Variants in DNAH3 observed in about 807,000 individuals in gnomAD.
DNAH3 encodes axonemal beta dynein heavy chain 3.
DNAH3 carries 332 observed loss-of-function variants against 432.5 expected under a neutral mutation model. That is an observed-to-expected ratio of 0.77 (90% CI 0.70 to 0.84). DNAH3 has a LOEUF of 0.84. Ranked by LOEUF, DNAH3 falls within the 40% of genes least tolerant of loss-of-function variation. The probability of loss-of-function intolerance (pLI) is 0.00; values close to 1 mark genes in which losing one functional copy is unlikely to be tolerated. For missense variants in DNAH3, 4,861 were observed against 5,114.0 expected (o/e 0.95, Z 1.51); for synonymous variants, 1,956 against 1,900.2 (o/e 1.03, Z -0.76).
chr16:21,118,083 G>A (rs2092249974), intron 11 of DNAH3, among the ~76,000 whole-genome samples: 1 of 151,472 alleles, frequency 6.6e-6, no homozygotes, highest in African/African-American at 2.4e-5. Flanking sequence ...TGCCTCCTGG[G>A]CTCAAGCGAT....
At chr16:21,033,638 C>T (rs77052546) in intron 36 of DNAH3, among the ~76,000 whole-genome samples, 2,530 of 152,212 alleles carry the variant, frequency 0.017, 71 homozygotes, top group African/African-American at 0.058. Context: ...AGCAAAGAAG[C>T]AAAACCATGC....
chr16:21,135,451 G>C (rs138635136), intron 6 of DNAH3, among the ~76,000 whole-genome samples: 1 of 152,330 alleles, frequency 6.6e-6, no homozygotes, highest in African/African-American at 2.4e-5. Flanking sequence ...CCAGCACTTT[G>C]AGAGGCTGAG....
intron 17 of DNAH3, among the ~76,000 whole-genome samples, chr16:21,098,340 GA>G (rs1567786818): frequency 6.6e-6 from 1 of 151,214 alleles, no homozygotes; most frequent in Non-Finnish European, 1.5e-5. Flanking sequence ...TTGGAAGGCT[GA>G]GGCAGGAGAA....
At chr16:20,976,964 GAC>G (rs1300169295) in intron 50 of DNAH3, among the ~76,000 whole-genome samples, 1 of 152,230 alleles carries the variant, frequency 6.6e-6, no homozygotes, top group Non-Finnish European at 1.5e-5. Context: ...AGCTGACTAA[GAC>G]AAACAGTCTG....
In DNAH3 at chr16:21,144,869, G is replaced by A. The variant is rs549702683; in HGVS notation, c.448+312C>T. 8.5e-5 allele frequency among the ~76,000 whole-genome samples: 13 copies of A among 152,166 alleles called. No individual in the cohort carries two copies. The South Asian group carries it at 1.9e-3, about 22-fold the overall frequency. On this transcript the variant is annotated intron_variant, in intron 3 of 61. Coordinates refer to ENST00000261383, the Ensembl canonical transcript of DNAH3. ...ACAGTGGCTCATGCCTGTAATCCCA[G>A]CACTTTCGGAGGTTGAGGCAGGTGG...
At position 21,097,590 on chromosome 16, in the gene DNAH3, C is replaced by A. The variant is rs112721045; in HGVS notation, c.2521-91G>T. 7 of 1,476,354 alleles carry A rather than the reference C, an allele frequency of 4.7e-6. No individual in the cohort carries two copies. In the African/African-American group the frequency reaches 8.3e-5, roughly 17 times the overall value. 91.5% of individuals were successfully genotyped at this position (1,476,354 alleles called of 1,614,324 possible). ...GGCAAATTCCTCAGTGCCTTGAAAA[C>A]CAAGTGGAGGGAAATGCTTATTCAT... On this transcript the variant is annotated intron_variant, in intron 17 of 61. Coordinates refer to ENST00000261383, the Ensembl canonical transcript of DNAH3.
chr16:21,018,013 C>T (rs2639779), intron 41 of DNAH3, among the ~76,000 whole-genome samples: 3,089 of 151,470 alleles, frequency 0.02, 108 homozygotes, highest in East Asian at 0.14. Flanking sequence ...AAAAAAAATT[C>T]AAAATTAATT....
At chr16:21,144,323 GCT>G (rs1182513686) in intron 3 of DNAH3, among the ~76,000 whole-genome samples, 1 of 152,050 alleles carries the variant, frequency 6.6e-6, no homozygotes, top group Non-Finnish European at 1.5e-5. Flanking sequence ...TCTCTTGCTG[GCT>G]CTCTCTCTTT....
At chr16:21,117,362 G>A in intron 11 of DNAH3, 23 bp from the exon 12 acceptor site, 3 of 1,353,256 alleles carry the variant, frequency 2.2e-6, no homozygotes, top group Non-Finnish European at 3.2e-6. Context: ...CACCACTTTT[G>A]CATGTTGCAA....
chr16:20,978,929 T>C (rs2085725223), intron 50 of DNAH3, among the ~76,000 whole-genome samples: 1 of 151,882 alleles, frequency 6.6e-6, no homozygotes, highest in Non-Finnish European at 1.5e-5. Context: ...GCTGTAGAGA[T>C]AAATTTGGGC....
At chr16:20,933,581 T>C in intron 61 of DNAH3, 74 bp from the exon 62 acceptor site, 1 of 1,249,894 alleles carries the variant, frequency 8.0e-7, no homozygotes, top group Non-Finnish European at 1.1e-6. Flanking sequence ...GCCTGGAATC[T>C]TCTGATACTC....
intron 7 of DNAH3, among the ~76,000 whole-genome samples, chr16:21,132,230 C>T (rs1011582066): frequency 1.8e-4 from 28 of 152,134 alleles, no homozygotes; most frequent in African/African-American, 2.4e-5. Flanking sequence ...GTTCTCCAAG[C>T]CACAGGGCTC....
At chr16:21,019,561 TTG>T (rs1170007991) in intron 41 of DNAH3, 61 bp downstream of exon 41, 1 of 1,584,336 alleles carries the variant, frequency 6.3e-7, no homozygotes, top group African/African-American at 1.3e-5. Flanking sequence ...CACATTCTGG[TTG>T]TGTTTAGAAC....
In DNAH3 at chr16:21,000,379, AG is replaced by A. The variant is rs766735782; in HGVS notation, c.6265del (p.Leu2089SerfsTer44). 2.5e-6 allele frequency: 4 copies of A among 1,613,986 alleles called. No homozygotes were observed. In the East Asian group the frequency reaches 8.9e-5, roughly 36 times the overall value. On this transcript the variant is annotated frameshift_variant, in exon 43 of 62. Transcript: ENST00000261383. LOFTEE classifies it high-confidence loss of function. ...TAGGTACGTATTTTTGGGAAGGTGG[AG>A]AAGGAAGTTGTTGGTGATGGCTGAT...
chr16:21,132,956 A>G (rs911224236), intron 7 of DNAH3, among the ~76,000 whole-genome samples: 2 of 137,718 alleles, frequency 1.5e-5, no homozygotes, highest in African/African-American at 5.5e-5. Context: ...GGACTCCTAC[A>G]ATTTTTTTTT....
At chr16:21,091,397 T>C (rs773397756) in intron 18 of DNAH3, among the ~76,000 whole-genome samples, 89 of 149,374 alleles carry the variant, frequency 6.0e-4, no homozygotes, top group Non-Finnish European at 2.8e-4. Flanking sequence ...AGAAAGAAAA[T>C]CCACCAGAAT....
chr16:21,000,578 C>A, intron 42 of DNAH3, 60 bp from the exon 43 acceptor site: 1 of 1,461,338 alleles, frequency 6.8e-7, no homozygotes, highest in Admixed American at 2.0e-5. Flanking sequence ...GAGGTCTTGG[C>A]ATTCAAGAGA....
chr16:21,149,597 G>A lies in DNAH3; in HGVS notation c.118-3509C>T, dbSNP rs1242507115. Among the ~76,000 whole-genome samples, 3 of 152,116 alleles carry A rather than the reference G, an allele frequency of 2.0e-5. No individual in the cohort carries two copies. The East Asian group carries it at 5.8e-4, about 29-fold the overall frequency. ...CTTAGATAAAAATATAGATTCCAGG[G>A]CCCCACTCCAAATCTTCTGGATCGG... On this transcript the variant is annotated intron_variant, in intron 1 of 61. Coordinates refer to ENST00000261383, the Ensembl canonical transcript of DNAH3.
chr16:21,138,405 C>A (rs1324973595), intron 5 of DNAH3, among the ~76,000 whole-genome samples: 1 of 152,100 alleles, frequency 6.6e-6, no homozygotes, highest in Non-Finnish European at 1.5e-5. Flanking sequence ...GTAAAAAGTG[C>A]TTGTTAAAAT....
Sources: gnomAD v4.1 joint callset for allele counts (sites outside exome capture counted in the v4.1 genomes callset) on GRCh38, gnomAD v4.1.1 for gene constraint, MANE v1.5 for transcripts, NCBI Gene and HGNC (gene_info 2026-07-23, HGNC 2026-07-21) for gene names.